Variants in FBN3 observed in about 807,000 individuals in gnomAD.
FBN3 encodes the protein fibrillin-3.
Under a neutral mutation model 330.1 loss-of-function variants are expected in FBN3, and 234 were observed. The observed-to-expected ratio is 0.71, with a 90% CI of 0.64 to 0.79. The LOEUF (loss-of-function observed/expected upper bound fraction) is 0.79, where lower values mean the gene tolerates loss of function less well. FBN3 is among the 30% of genes least tolerant of loss of function. The pLI, the probability that FBN3 is intolerant of heterozygous loss-of-function variation, is 0.00. For synonymous variants in FBN3, 1,458 were observed against 1,517.3 expected, an observed-to-expected ratio of 0.96 and a Z score of 0.91; for missense variants, 3,606 against 3,886.9, an observed-to-expected ratio of 0.93 and a Z score of 1.92.
intron 29 of FBN3, among the ~76,000 whole-genome samples, 175 bp downstream of exon 29, chr19:8,116,499 G>A (rs1294238591): frequency 6.6e-6 from 1 of 152,146 alleles, no homozygotes; most frequent in African/African-American, 2.4e-5. Context: ...TGGGGTGCTG[G>A]GGACCCTTAT....
At chr19:8,139,308 C>G (rs1246022392) in intron 8 of FBN3, among the ~76,000 whole-genome samples, 4 of 152,180 alleles carry the variant, frequency 2.6e-5, no homozygotes, top group Non-Finnish European at 5.9e-5. Context: ...GATTGTGCCA[C>G]TGCACTCCAG....
At chr19:8,081,842 A>T (rs910541748) in intron 57 of FBN3, among the ~76,000 whole-genome samples, 1 of 152,156 alleles carries the variant, frequency 6.6e-6, no homozygotes, top group Non-Finnish European at 1.5e-5. Context: ...GCTACAAAAC[A>T]CAACTGAAAA....
Position 8,075,302 on chromosome 19 carries a change from G to A in FBN3, c.7563C>T (p.Ser2521=), listed in dbSNP as rs139865578. ...CTGTACCTTCACAGCCATGGCCTGA[G>A]CTGACCAGGGTGAAGCCTTGGTGGC... ...CECHQGFTLV[S]SGHGCEDVNE... Residue 2521 remains serine (S), a synonymous_variant, in exon 60 of 64, where the codon AGC becomes AGT. Transcript: ENST00000600128. 3.3e-4 allele frequency: 528 copies of A among 1,613,938 alleles called. No individual in the cohort carries two copies. The highest frequency in any genetic ancestry group is 4.1e-4 in the Non-Finnish European group (481 of 1,179,936).
rs1282694079 is a variant in FBN3 at position 8,089,899 on chromosome 19, C to T, written c.6245G>A (p.Arg2082Gln). ...CATGTGGGTGAGGGGCTCACCTTCT[C>T]GGGAGTCATCCGGGCCTGGGACTGC... Reference protein sequence around the residue: ...HGAVPGPDDSREDVNECAENP... With the variant: ...HGAVPGPDDSQEDVNECAENP... Residue 2082 changes from arginine to glutamine, a missense_variant, in exon 50 of 64, where the codon CGA (arginine) becomes CAA (glutamine). By Grantham distance (43) the Arg-to-Gln change is conservative. Transcript: ENST00000600128. The T allele has an allele frequency of 3.1e-6, 5 of 1,597,692 alleles. No individual in the cohort carries two copies. Among genetic ancestry groups the T allele is most frequent in the Middle Eastern group, 1.9e-4 (1 of 5,262 alleles).
Position 8,073,006 on chromosome 19 carries a change from T to TGTGTGC in FBN3, c.7937+56_7937+57insGCACAC, listed in dbSNP as rs1358267793. ...GTGTGTGTGTGTGTGTGTGTGTGCG[T>TGTGTGC]GCGTGCATGGACGCTTGCGGGGCAT... On this transcript the variant is annotated intron_variant, in intron 62 of 63. Coordinates refer to ENST00000600128, the MANE Select transcript of FBN3 (RefSeq NM_032447.5). The TGTGTGC allele has an allele frequency of 4.1e-6, 4 of 964,362 alleles. No homozygotes were observed. In the African/African-American group the frequency reaches 5.2e-5, roughly 12 times the overall value. The allele number at this position is 964,362 out of a possible 1,614,324, so 59.7% of individuals were successfully genotyped here. A position where few individuals can be genotyped will look rare whatever the true frequency, so the allele number is the denominator to read the frequency against.
At chr19:8,089,384 A>C (rs2144684580) in intron 51 of FBN3, among the ~76,000 whole-genome samples, 161 bp downstream of exon 51, 1 of 152,364 alleles carries the variant, frequency 6.6e-6, no homozygotes, top group South Asian at 2.1e-4. Flanking sequence ...TGAATTAATG[A>C]GTGAATGAAG....
Position 8,083,302 on chromosome 19 carries a change from G to A in FBN3, c.7158C>T (p.Phe2386=). 6.2e-7 allele frequency: 1 copy of A among 1,614,138 alleles called. No homozygotes were observed. Among genetic ancestry groups the A allele is most frequent in the Non-Finnish European group, 8.5e-7 (1 of 1,180,010 alleles). The change falls in exon 57 of 64, where the codon TTC becomes TTT. Residue 2386 remains phenylalanine (F), a synonymous_variant. Transcript: ENST00000600128. Reference sequence around the variant, plus strand: ...TGTACCCGGCCTGACAGTGGCAGCGGAAGGAGCCAAGGCTGTTGATGCACT... The same window carrying A: ...TGTACCCGGCCTGACAGTGGCAGCGAAAGGAGCCAAGGCTGTTGATGCACT... ...HGECINSLGS[F]RCHCQAGYTP...
Position 8,075,085 on chromosome 19 carries a change from C to G in FBN3, c.7688G>C (p.Trp2563Ser). The G allele has an allele frequency of 6.2e-7, 1 of 1,602,682 alleles. No homozygotes were observed. The highest frequency in any genetic ancestry group is 8.5e-7 in the Non-Finnish European group (1 of 1,174,196). The change falls in exon 61 of 64, where the codon TGG becomes TCG. Residue 2563 changes from tryptophan to serine, a missense_variant. By Grantham distance (177) the Trp-to-Ser change is radical. Coordinates refer to ENST00000600128, the MANE Select transcript of FBN3 (RefSeq NM_032447.5). ...CPQGFTQHSQ[W>S]AQCVDENECA... ...TTTTCACTCACCCACACACTGGGCC[C>G]ACTGGGAGTGCTGGGTGAAACCCTG... is the stretch of plus-strand genomic sequence containing the variant.
intron 13 of FBN3, among the ~76,000 whole-genome samples, chr19:8,133,829 G>C (rs1447566661): frequency 6.6e-6 from 1 of 152,100 alleles, no homozygotes; most frequent in Non-Finnish European, 1.5e-5. Context: ...TGGAAATAAA[G>C]TTAGTAAGAC....
chr19:8,126,778 G>A lies in FBN3; in HGVS notation c.2351C>T (p.Ala784Val). The A allele has an allele frequency of 6.3e-7, 1 of 1,593,080 alleles. No homozygotes were observed. The highest frequency in any genetic ancestry group is 1.1e-5 in the South Asian group (1 of 88,104). ...GCCACATTTGCAGGTGTAGGAGCCG[G>A]CCAGGTTCCGACAGACGCCACTCAC... ...PCVSGVCRNLAGSYTCKCGPG... is the reference protein window; with the variant it reads ...PCVSGVCRNLVGSYTCKCGPG... Residue 784 changes from alanine (A) to valine (V), a missense_variant, in exon 19 of 64, where the codon GCC becomes GTC. Physicochemically the swap from Ala to Val is moderately conservative, Grantham distance 64 (BLOSUM62 0). Transcript: ENST00000600128.
intron 58 of FBN3, 69 bp from the exon 59 acceptor site, chr19:8,081,188 G>A (rs577877620): frequency 6.6e-7 from 1 of 1,513,320 alleles, no homozygotes; most frequent in South Asian, 1.1e-5. Flanking sequence ...CCCAGGGGCT[G>A]CCCTTGCCAC....
chr19:8,087,884 G>A lies in FBN3; in HGVS notation c.6560C>T (p.Ser2187Phe). Residue 2187 changes from serine (S) to phenylalanine (F), a missense_variant, in exon 53 of 64, where the codon TCC becomes TTC. Physicochemically the swap from Ser to Phe is radical, Grantham distance 155. Coordinates refer to ENST00000600128, the MANE Select transcript of FBN3 (RefSeq NM_032447.5). ...CAFRCHNTEGSYLCTCPAGYT... is the reference protein window; with the variant it reads ...CAFRCHNTEGFYLCTCPAGYT... ...GCCGGCTGGACAGGTGCACAGGTAG[G>A]AGCCCTCGGTATTGTGGCAGCGGAA... The A allele has an allele frequency of 1.2e-6, 2 of 1,614,194 alleles. No individual in the cohort carries two copies. Among genetic ancestry groups the A allele is most frequent in the East Asian group, 2.2e-5 (1 of 44,880 alleles).
At chr19:8,133,734 G>A (rs977653660) in intron 13 of FBN3, among the ~76,000 whole-genome samples, 1 of 151,956 alleles carries the variant, frequency 6.6e-6, no homozygotes, top group Non-Finnish European at 1.5e-5. Flanking sequence ...TTACAGGCGT[G>A]AGCCACCGCG....
At chr19:8,114,140 T>C (rs1003215661) in intron 30 of FBN3, among the ~76,000 whole-genome samples, 1 of 152,146 alleles carries the variant, frequency 6.6e-6, no homozygotes, top group Non-Finnish European at 1.5e-5. Context: ...ATGGAACACT[T>C]TCTGCCTCTG....
chr19:8,147,622 G>C (rs2083583308), intron 1 of FBN3, 125 bp from the exon 2 acceptor site: 1 of 745,050 alleles, frequency 1.3e-6, no homozygotes, highest in African/African-American at 1.8e-5. Context: ...GGAGCCCAAG[G>C]AGGCATCCAG....
chr19:8,066,173 G>T lies in FBN3; in HGVS notation c.8176C>A (p.Leu2726Ile), dbSNP rs770712458. The T allele has an allele frequency of 6.2e-7, 1 of 1,612,642 alleles. No individual in the cohort carries two copies. The highest frequency in any genetic ancestry group is 8.5e-7 in the Non-Finnish European group (1 of 1,179,472). Residue 2726 changes from leucine to isoleucine, a missense_variant, in exon 64 of 64, where the codon CTC (leucine) becomes ATC (isoleucine). By Grantham distance (5) the Leu-to-Ile change is conservative (BLOSUM62 2). Coordinates refer to ENST00000600128, the MANE Select transcript of FBN3 (RefSeq NM_032447.5). ...HLGRAERILE[L>I]RPALEGLEGR... Reference sequence around the variant, plus strand: ...TCTAGACCCTCCAGGGCCGGCCGGAGCTCCAGGATGCGCTCGGCCCGGCCC... The same window carrying T: ...TCTAGACCCTCCAGGGCCGGCCGGATCTCCAGGATGCGCTCGGCCCGGCCC...
chr19:8,135,945 C>CCCCCCCCCCCCCCCCCCA lies in FBN3; in HGVS notation c.1591+15_1591+16insTGGGGGGGGGGGGGGGGG. Reference sequence around the variant, plus strand: ...GGGCCCGGAAGCCCCTGCCCACCCGCCCACCCCCAACTCACCCACACAGTT... The same window carrying CCCCCCCCCCCCCCCCCCA: ...GGGCCCGGAAGCCCCTGCCCACCCGCCCCCCCCCCCCCCCCCCACCACCCCCAACTCACCCACACAGTT... On this transcript the variant is annotated intron_variant, in intron 13 of 63. Coordinates refer to ENST00000600128, the MANE Select transcript of FBN3 (RefSeq NM_032447.5). 2.0e-6 allele frequency: 1 copy of CCCCCCCCCCCCCCCCCCA among 488,810 alleles called. No individual in the cohort carries two copies. Among genetic ancestry groups the CCCCCCCCCCCCCCCCCCA allele is most frequent in the Non-Finnish European group, 4.0e-6 (1 of 249,004 alleles). 30.3% of individuals were successfully genotyped at this position (488,810 alleles called of 1,614,324 possible).
chr19:8,119,249 A>G (rs934151930), intron 25 of FBN3, among the ~76,000 whole-genome samples: 1 of 152,162 alleles, frequency 6.6e-6, no homozygotes, highest in Admixed American at 6.5e-5. Flanking sequence ...CAGAAGAACA[A>G]AGGCCACGAA....
intron 10 of FBN3, 25 bp from the exon 11 acceptor site, chr19:8,136,556 T>C (rs758326983): frequency 5.6e-6 from 9 of 1,612,840 alleles, no homozygotes; most frequent in South Asian, 5.5e-5. Flanking sequence ...GGCAGAGGCA[T>C]CTGAGCAGTG....
Sources: gnomAD v4.1 joint callset for allele counts (sites outside exome capture counted in the v4.1 genomes callset) on GRCh38, gnomAD v4.1.1 for gene constraint, MANE v1.5 for transcripts, NCBI Gene and HGNC (gene_info 2026-07-23, HGNC 2026-07-21) for gene names.